The following TMEM114 variants were observed in gnomAD, a reference collection of about 807,000 sequenced individuals.
TMEM114 encodes the protein claudin-26.
A neutral mutation model predicts 6.2 loss-of-function variants in TMEM114; 6 were observed. The observed-to-expected ratio is 0.97, with a 90% CI of 0.53 to 1.91. The LOEUF (loss-of-function observed/expected upper bound fraction) is 1.91. TMEM114 is among the 40% of genes most tolerant of loss of function. The pLI, the probability that TMEM114 is intolerant of heterozygous loss-of-function variation, is 0.01. For missense variants in TMEM114, 218 were observed against 158.3 expected, an observed-to-expected ratio of 1.38 and a Z score of -2.02; for synonymous variants, 104 against 73.0, an observed-to-expected ratio of 1.42 and a Z score of -2.16.
At chr16:8,584,987 A>G (rs1352257013) in intron 2 of TMEM114, among the ~76,000 whole-genome samples, 1 of 151,886 alleles carries the variant, frequency 6.6e-6, no homozygotes, top group Non-Finnish European at 1.5e-5. Context: ...GACACACCTG[A>G]GACTGGGTAA....
At chr16:8,537,390 A>G (rs1025596026), downstream of TMEM114, among the ~76,000 whole-genome samples, 4 of 152,162 alleles carry the variant, frequency 2.6e-5, no homozygotes, top group Non-Finnish European at 5.9e-5. Context: ...AGTCCCAGCT[A>G]CTTGGGAAGC....
intron 2 of TMEM114, among the ~76,000 whole-genome samples, chr16:8,549,500 C>G (rs572510346): frequency 1.3e-5 from 1 of 77,868 alleles, no homozygotes; most frequent in East Asian, 3.8e-4. Flanking sequence ...AACTCCGTCT[C>G]GAAAAAAAAA....
chr16:8,527,659 T>C, the TMEM114 span, among the ~76,000 whole-genome samples: 2 of 152,138 alleles, frequency 1.3e-5, no homozygotes, highest in Non-Finnish European at 2.9e-5. Context: ...CATGGGACCA[T>C]TGAGGGTGGT....
chr16:8,584,526 G>C (rs1902253546), intron 2 of TMEM114, among the ~76,000 whole-genome samples: 1 of 152,080 alleles, frequency 6.6e-6, no homozygotes, highest in South Asian at 2.1e-4. Flanking sequence ...GAGGTTATTG[G>C]GATGTACCTG....
chr16:8,581,839 G>A (rs542905635), intron 2 of TMEM114, among the ~76,000 whole-genome samples: 3 of 152,352 alleles, frequency 2.0e-5, no homozygotes, highest in South Asian at 4.1e-4. Context: ...AAGGCAGCCT[G>A]AAGCTCAGGC....
At chr16:8,576,749 AGG>A (rs1288340523) in intron 2 of TMEM114, among the ~76,000 whole-genome samples, 2 of 151,596 alleles carry the variant, frequency 1.3e-5, no homozygotes, top group Non-Finnish European at 2.9e-5. Context: ...GAAGGAAGGA[AGG>A]AAGGAAGGAA....
chr16:8,540,350 C>T lies in TMEM114; in HGVS notation n.213-2524G>A, dbSNP rs1431749882. On this transcript the variant is annotated intron_variant and non_coding_transcript_variant, in intron 2 of 2. Transcript: ENST00000623677. ...CACCTGAGCAGGAATCCCAGCTGAT[C>T]GCTCGCCTGCTGGGTATCATTATAT... Among the ~76,000 whole-genome samples the T allele has an allele frequency of 3.3e-5, 5 of 152,104 alleles. No individual in the cohort carries two copies. The East Asian group carries it at 5.8e-4, about 18-fold the overall frequency.
chr16:8,542,650 G>A (rs1205792611), intron 2 of TMEM114, among the ~76,000 whole-genome samples: 1 of 152,172 alleles, frequency 6.6e-6, no homozygotes, highest in African/African-American at 2.4e-5. Context: ...ACAGGGGTAG[G>A]AGTGTGCTTT....
intron 2 of TMEM114, among the ~76,000 whole-genome samples, chr16:8,574,582 C>CTTCCTTCCTTCTTTCTTTCTTTCT (rs140621744): frequency 4.2e-5 from 6 of 142,462 alleles, no homozygotes; most frequent in Non-Finnish European, 7.7e-5. Flanking sequence ...TCCTTCCTTC[C>CTTCCTTCCTTCTTTCTTTCTTTCT]TTCTTTCTTT....
At chr16:8,577,243 C>G (rs918472664) in intron 2 of TMEM114, among the ~76,000 whole-genome samples, 21 of 152,234 alleles carry the variant, frequency 1.4e-4, no homozygotes, top group African/African-American at 4.6e-4. Flanking sequence ...TGGCCCTTTC[C>G]TTCTCCCACA....
chr16:8,568,957 G>A (rs1901631323), downstream of TMEM114, among the ~76,000 whole-genome samples: 1 of 152,200 alleles, frequency 6.6e-6, no homozygotes, highest in Non-Finnish European at 1.5e-5. Context: ...AGTGGCTCTG[G>A]GCCAGAAGCC....
In TMEM114 at chr16:8,589,239, A is replaced by G. The variant is rs904471066; in HGVS notation, c.275T>C (p.Val92Ala). ...GAGAAGTTGCCGGCTCGATTCGCTG[A>G]CTGTCACGTTCTCCAGCCTGAAGGG... ...MNPFRLENVT[V>A]SESSRQLLTM... The change falls in exon 2 of 4, where the codon GTC becomes GCC. Residue 92 changes from valine (V) to alanine (A), a missense_variant. By Grantham distance (64) the Val-to-Ala change is moderately conservative (BLOSUM62 0). Transcript: ENST00000620492. 133 of 398,932 alleles carry G rather than the reference A, an allele frequency of 3.3e-4. No homozygotes were observed. The highest frequency in any genetic ancestry group is 2.5e-3 in the Middle Eastern group (4 of 1,590). The allele number at this position is 398,932 out of a possible 1,614,324, so 24.7% of individuals were successfully genotyped here.
chr16:8,527,131 C>G, the TMEM114 span, among the ~76,000 whole-genome samples: 6 of 152,200 alleles, frequency 3.9e-5, no homozygotes, highest in Non-Finnish European at 8.8e-5. Context: ...TGCTTGAACC[C>G]GGAAGGTGGG....
At chr16:8,560,040 A>G (rs930021311) in intron 2 of TMEM114, among the ~76,000 whole-genome samples, 1 of 152,172 alleles carries the variant, frequency 6.6e-6, no homozygotes, top group Non-Finnish European at 1.5e-5. Flanking sequence ...TCTGTTACCC[A>G]GGCTGGAGTG....
rs543564631 is a variant in TMEM114, at chr16:8,580,064, G to C, written c.302-7840C>G. Among the ~76,000 whole-genome samples the C allele has an allele frequency of 3.5e-4, 54 of 152,246 alleles. No homozygotes were observed. The South Asian group carries it at 0.011, about 32-fold the overall frequency. ...AGACACCCAAAGTAGCAATACCTCA[G>C]CTCTTGCAGCTGGAGAGGTGAGCCA... On this transcript the variant is annotated intron_variant, in intron 2 of 3. Coordinates refer to ENST00000620492, the MANE Select transcript of TMEM114 (RefSeq NM_001146336.2).
chr16:8,532,706 C>G (rs994560041), downstream of TMEM114, among the ~76,000 whole-genome samples: 15 of 152,100 alleles, frequency 9.9e-5, no homozygotes, highest in African/African-American at 3.6e-4. Context: ...GGGCGACTCA[C>G]GAGGTCAGGA....
intron 2 of TMEM114, among the ~76,000 whole-genome samples, chr16:8,538,642 C>G (rs9939773): frequency 0.14 from 21,440 of 151,854 alleles, 2,209 homozygotes; most frequent in African/African-American, 0.29. Flanking sequence ...CCAGCAGCTG[C>G]GACTACAGGC....
intron 2 of TMEM114, among the ~76,000 whole-genome samples, chr16:8,586,572 C>A (rs1347305532): frequency 6.6e-6 from 1 of 151,398 alleles, no homozygotes; most frequent in Non-Finnish European, 1.5e-5. Context: ...TGCAGTGGTG[C>A]AATCTCAGCT....
the TMEM114 span, among the ~76,000 whole-genome samples, chr16:8,528,674 C>T: frequency 6.6e-6 from 1 of 152,218 alleles, no homozygotes; most frequent in African/African-American, 2.4e-5. Flanking sequence ...GCATTGTCAG[C>T]TTTCAACATG....
Sources: allele counts gnomAD v4.1 joint callset (sites outside exome capture counted in the v4.1 genomes callset), GRCh38; gene constraint gnomAD v4.1.1; transcripts MANE v1.5; gene names NCBI Gene and HGNC (gene_info 2026-07-23, HGNC 2026-07-21).